Variants in WDFY3 observed in about 807,000 individuals in gnomAD.
WDFY3 encodes the protein WD repeat and FYVE domain containing 3.
WDFY3 carries 66 observed loss-of-function variants against 409.6 expected under a neutral mutation model. That is an observed-to-expected ratio of 0.16 (90% confidence interval 0.13 to 0.20). The LOEUF (loss-of-function observed/expected upper bound fraction) is 0.20, where lower values mean the gene tolerates loss of function less well. Ranked by LOEUF, WDFY3 falls within the 10% of genes least tolerant of loss-of-function variation. The pLI is 1.00. For synonymous variants in WDFY3, 1,521 were observed against 1,537.1 expected, an observed-to-expected ratio of 0.99 and a Z score of 0.25; for missense variants, 3,031 against 4,298.1, an observed-to-expected ratio of 0.71 and a Z score of 8.24.
In WDFY3 at chr4:84,830,441, G is replaced by T. The variant is rs78988725; in HGVS notation, c.769+972C>A. Among the ~76,000 whole-genome samples, 1,466 of 152,192 alleles carry T rather than the reference G, an allele frequency of 9.6e-3. 32 individuals are homozygous for T. Among genetic ancestry groups the T allele is most frequent in the African/African-American group, 0.033 (1,389 of 41,528 alleles). ...ACATAAGTGTTCTAGCTACTTTCAG[G>T]GTAGGCTAGGCTAAGATATGATGTT... On this transcript the variant is annotated intron_variant, in intron 8 of 67. Transcript: ENST00000295888.
intron 3 of WDFY3, among the ~76,000 whole-genome samples, chr4:84,893,843 A>G (rs1039128388): frequency 2.0e-5 from 3 of 152,136 alleles, no homozygotes; most frequent in African/African-American, 4.8e-5. Flanking sequence ...GAAAAAAATT[A>G]GCCAGATGTG....
At chr4:84,748,315 T>A (rs553549390) in intron 36 of WDFY3, among the ~76,000 whole-genome samples, 1 of 151,968 alleles carries the variant, frequency 6.6e-6, no homozygotes, top group Non-Finnish European at 1.5e-5. Context: ...CAGAGAGAGG[T>A]TCACTTTTAT....
chr4:84,906,208 T>G (rs1767018445), intron 2 of WDFY3, among the ~76,000 whole-genome samples: 1 of 152,226 alleles, frequency 6.6e-6, no homozygotes, highest in South Asian at 2.1e-4. Context: ...TAAAGTGTTT[T>G]AAGCTACAAA....
Position 84,821,200 on chromosome 4 carries a change from T to C in WDFY3, c.1475A>G (p.His492Arg), listed in dbSNP as rs575421300. ...GAACACGTCTTTAAATATGTAGTCA[T>C]GTCTTGTAAACTTAAGAAGTGTTTT... ...AMKTLLKFTR[H>R]DYIFKDVFRE... The change falls in exon 11 of 68, where the codon CAT becomes CGT. Residue 492 changes from histidine (H) to arginine (R), a missense_variant. Around this residue, in one of 16 missense-constraint regions of WDFY3, gnomAD observed 1,322 missense variants for 1,697.9 expected, o/e 0.78. Coordinates refer to ENST00000295888, the MANE Select transcript of WDFY3 (RefSeq NM_014991.6). The C allele has an allele frequency of 1.9e-6, 3 of 1,613,790 alleles. No individual in the cohort carries two copies. The highest frequency in any genetic ancestry group is 2.5e-6 in the Non-Finnish European group (3 of 1,179,818).
intron 3 of WDFY3, among the ~76,000 whole-genome samples, chr4:84,875,267 C>T (rs1054808887): frequency 2.8e-4 from 36 of 129,634 alleles, no homozygotes; most frequent in African/African-American, 9.8e-4. Context: ...GACTCAAACA[C>T]ACACACACAC....
intron 6 of WDFY3, among the ~76,000 whole-genome samples, chr4:84,837,451 T>C (rs1020758324): frequency 4.6e-5 from 7 of 152,166 alleles, no homozygotes; most frequent in East Asian, 1.9e-4. Flanking sequence ...CTTATAAAAA[T>C]AGATAGAATG....
intron 5 of WDFY3, among the ~76,000 whole-genome samples, chr4:84,849,493 C>G (rs1209841626): frequency 6.9e-6 from 1 of 143,970 alleles, no homozygotes; most frequent in East Asian, 2.1e-4. Context: ...TAAGAGTATA[C>G]ACATGTTTGA....
chr4:84,823,320 T>A (rs1352627029), intron 10 of WDFY3, among the ~76,000 whole-genome samples: 3 of 151,980 alleles, frequency 2.0e-5, no homozygotes, highest in Non-Finnish European at 4.4e-5. Context: ...AATTTAAAAG[T>A]TAAAATATGA....
At chr4:84,674,718 A>C (rs192229933) in intron 67 of WDFY3, among the ~76,000 whole-genome samples, 1 of 151,770 alleles carries the variant, frequency 6.6e-6, no homozygotes, top group Non-Finnish European at 1.5e-5. Flanking sequence ...GAATACAAAA[A>C]TTAGCCAGGC....
intron 4 of WDFY3, among the ~76,000 whole-genome samples, chr4:84,859,347 G>A (rs764242652): frequency 3.3e-5 from 5 of 152,090 alleles, no homozygotes; most frequent in African/African-American, 7.2e-5. Context: ...ATGTATGTAT[G>A]TATGTACATT....
intron 7 of WDFY3, among the ~76,000 whole-genome samples, chr4:84,835,760 C>G (rs890070510): frequency 9.2e-5 from 14 of 152,158 alleles, no homozygotes; most frequent in Admixed American, 4.6e-4. Flanking sequence ...TCTATCTTTT[C>G]TACCCCAATC....
rs17009212 is a variant in WDFY3 at position 84,712,991 on chromosome 4, C to A, written c.8042+168G>T. Among the ~76,000 whole-genome samples the A allele has an allele frequency of 0.18, 27,313 of 152,076 alleles. 4,313 individuals are homozygous for A. The highest frequency in any genetic ancestry group is 0.42 in the African/African-American group (17,518 of 41,438). ...ATGTGAGCAGTGATTTGACACAGTG[C>A]TTATGCATACCTTTTTCTTTTCTTC... On this transcript the variant is annotated intron_variant, in intron 51 of 67. Transcript: ENST00000295888.
rs146868524 is a variant in WDFY3 at position 84,778,605 on chromosome 4, G to A, written c.4416C>T (p.Ile1472=). 3 of 1,612,820 alleles carry A rather than the reference G, an allele frequency of 1.9e-6. No homozygotes were observed. In the African/African-American group the frequency reaches 4.0e-5, roughly 22 times the overall value. ...CCACCAAAGAAAAAGTTAGATGGAG[G>A]ATGTGGCTGTTAAGAAGGGAACGTT... is the stretch of plus-strand genomic sequence containing the variant. ...KKKRSLLNSH[I]LHLTFSLVGT... The change falls in exon 27 of 68, where the codon ATC becomes ATT. Residue 1472 remains isoleucine, a synonymous_variant. Transcript: ENST00000295888.
intron 1 of WDFY3, among the ~76,000 whole-genome samples, chr4:84,941,749 G>A (rs1772163123): frequency 1.3e-5 from 2 of 151,982 alleles, no homozygotes; most frequent in African/African-American, 2.4e-5. Flanking sequence ...AAAATTGGAG[G>A]ACTCATATTA....
intron 27 of WDFY3, among the ~76,000 whole-genome samples, chr4:84,778,225 A>T (rs537218990): frequency 1.3e-5 from 2 of 152,170 alleles, no homozygotes; most frequent in African/African-American, 4.8e-5. Flanking sequence ...TGATGAAACT[A>T]TGTTTGACTC....
chr4:84,899,123 T>C (rs1766018058), intron 2 of WDFY3, among the ~76,000 whole-genome samples: 1 of 152,212 alleles, frequency 6.6e-6, no homozygotes, highest in African/African-American at 2.4e-5. Context: ...CCATCTCTAA[T>C]CCTTTGCTCC....
intron 3 of WDFY3, among the ~76,000 whole-genome samples, chr4:84,889,685 T>C (rs1764679448): frequency 6.6e-6 from 1 of 152,164 alleles, no homozygotes; most frequent in Admixed American, 6.5e-5. Context: ...TAAATCAAAC[T>C]ACCCTAAGCT....
At chr4:84,677,840 A>G (rs1161111925) in intron 66 of WDFY3, among the ~76,000 whole-genome samples, 3 of 151,352 alleles carry the variant, frequency 2.0e-5, no homozygotes, top group South Asian at 2.1e-4. Context: ...GTGCACGCCT[A>G]TAGTCCCAGT....
intron 35 of WDFY3, 89 bp from the exon 36 acceptor site, chr4:84,751,805 A>T (rs1740569583): frequency 1.4e-6 from 2 of 1,387,938 alleles, no homozygotes; most frequent in South Asian, 2.4e-5. Flanking sequence ...CTGGAGCAGC[A>T]GCATTTTCCA....
Sources: gnomAD v4.1 joint callset for allele counts (sites outside exome capture counted in the v4.1 genomes callset) on GRCh38, gnomAD v4.1.1 for gene constraint, gnomAD v4.1.1 regional missense constraint, MANE v1.5 for transcripts, NCBI Gene and HGNC (gene_info 2026-07-23, HGNC 2026-07-21) for gene names.